Variants in MBNL2 observed in about 807,000 individuals in gnomAD.
MBNL2 encodes muscleblind like splicing regulator 2, also known as muscleblind-like protein 2.
A neutral mutation model predicts 41.9 loss-of-function variants in MBNL2; 17 were observed. The observed-to-expected ratio is 0.41, with a 90% CI of 0.28 to 0.61. MBNL2 has a LOEUF of 0.61. MBNL2 is among the 20% of genes least tolerant of loss of function. The pLI, the probability that MBNL2 is intolerant of heterozygous loss-of-function variation, is 0.35. For missense variants in MBNL2, 336 were observed against 505.6 expected (o/e 0.66, Z 3.22); for synonymous variants, 195 against 182.9 (o/e 1.07, Z -0.53).
the MBNL2 span, among the ~76,000 whole-genome samples, chr13:97,159,340 C>A: frequency 6.6e-6 from 1 of 151,952 alleles, no homozygotes; most frequent in African/African-American, 2.4e-5. Context: ...TGGGTCTTGA[C>A]TCTTTATCCA....
intron 2 of MBNL2, among the ~76,000 whole-genome samples, chr13:97,299,739 ATTAC>A (rs2057431185): frequency 6.6e-6 from 1 of 152,244 alleles, no homozygotes; most frequent in South Asian, 2.1e-4. Context: ...TTCAAAACGT[ATTAC>A]TTAGTAGGAA....
At chr13:97,243,841 A>G (rs546800390) in intron 1 of MBNL2, among the ~76,000 whole-genome samples, 4 of 152,192 alleles carry the variant, frequency 2.6e-5, no homozygotes, top group Non-Finnish European at 4.4e-5. Flanking sequence ...AGGGCTGGGT[A>G]ACTGAGAATT....
At position 97,317,557 on chromosome 13, in the gene MBNL2, T is replaced by A. The variant is rs975759716; in HGVS notation, c.175-16719T>A. 5.9e-5 allele frequency among the ~76,000 whole-genome samples: 9 copies of A among 152,216 alleles called. No homozygotes were observed. In the East Asian group the frequency reaches 1.7e-3, roughly 29 times the overall value. On this transcript the variant is annotated intron_variant, in intron 2 of 8. Coordinates refer to ENST00000679496, the MANE Select transcript of MBNL2 (RefSeq NM_001382683.1). The stretch of plus-strand genomic sequence containing the variant: ...GCATGCAGAACTCTTAAATGATAGT[T>A]TTATGTATGCATAATCCTTTTGGCT...
At chr13:97,203,129 C>A in the MBNL2 span, among the ~76,000 whole-genome samples, 1 of 152,088 alleles carries the variant, frequency 6.6e-6, no homozygotes, top group East Asian at 1.9e-4. Flanking sequence ...GGGAAGTATG[C>A]CTCTTACCAG....
At chr13:97,287,287 C>G (rs1385150331) in intron 2 of MBNL2, among the ~76,000 whole-genome samples, 1 of 152,106 alleles carries the variant, frequency 6.6e-6, no homozygotes, top group Non-Finnish European at 1.5e-5. Context: ...AAAACTTGGC[C>G]CTAGACTGAT....
chr13:97,275,582 T>C (rs1052710857), intron 1 of MBNL2, 50 bp from the exon 2 acceptor site: 11 of 152,264 alleles, frequency 7.2e-5, no homozygotes, highest in African/African-American at 2.7e-4. Context: ...GTTGAAGTGG[T>C]GATTCCATTG....
chr13:97,283,427 A>C (rs1408904318), intron 2 of MBNL2, among the ~76,000 whole-genome samples: 1 of 152,024 alleles, frequency 6.6e-6, no homozygotes, highest in Non-Finnish European at 1.5e-5. Flanking sequence ...TTCCTACTAC[A>C]ATCCACCCCC....
the MBNL2 span, among the ~76,000 whole-genome samples, chr13:97,167,995 G>A: frequency 6.6e-6 from 1 of 151,960 alleles, no homozygotes; most frequent in Non-Finnish European, 1.5e-5. Flanking sequence ...GATGGAGTTT[G>A]GCTCTTATTT....
chr13:97,226,564 T>TGG (rs1228542562), intron 1 of MBNL2, among the ~76,000 whole-genome samples: 169 of 152,326 alleles, frequency 1.1e-3, no homozygotes, highest in African/African-American at 3.9e-3. Context: ...CTAATATTAA[T>TGG]TTAGCATTGT....
chr13:97,237,565 T>C (rs1050474232), intron 1 of MBNL2, among the ~76,000 whole-genome samples: 3 of 152,202 alleles, frequency 2.0e-5, no homozygotes, highest in African/African-American at 7.2e-5. Context: ...GCCATCCAAG[T>C]AAGGCAGTCA....
intron 1 of MBNL2, among the ~76,000 whole-genome samples, chr13:97,229,672 A>G (rs1434235525): frequency 6.6e-6 from 1 of 152,096 alleles, no homozygotes; most frequent in Non-Finnish European, 1.5e-5. Flanking sequence ...TTGACCTTGG[A>G]GATGGAGATG....
intron 8 of MBNL2, among the ~76,000 whole-genome samples, chr13:97,368,818 G>A (rs963327978): frequency 2.6e-5 from 4 of 152,052 alleles, no homozygotes; most frequent in Admixed American, 6.6e-5. Context: ...GGAAGGGTGC[G>A]AGTGGAAAAG....
At chr13:97,337,806 T>C (rs1713073383) in intron 3 of MBNL2, among the ~76,000 whole-genome samples, 1 of 152,146 alleles carries the variant, frequency 6.6e-6, no homozygotes, top group African/African-American at 2.4e-5. Flanking sequence ...AATTATCAAC[T>C]CTAGAAACAA....
chr13:97,173,725 G>T, the MBNL2 span, among the ~76,000 whole-genome samples: 3 of 151,992 alleles, frequency 2.0e-5, no homozygotes. Context: ...TTGCCTCTTT[G>T]TTCCCCCACA....
intron 1 of MBNL2, among the ~76,000 whole-genome samples, chr13:97,237,138 A>G (rs2043424426): frequency 6.6e-6 from 1 of 152,236 alleles, no homozygotes; most frequent in South Asian, 2.1e-4. Context: ...ACAGATTTGA[A>G]TCCCGGGGTC....
intron 1 of MBNL2, among the ~76,000 whole-genome samples, chr13:97,246,875 C>A (rs187489671): frequency 1.1e-3 from 162 of 152,264 alleles, no homozygotes; most frequent in Non-Finnish European, 1.5e-3. Flanking sequence ...TCTTAATATA[C>A]TTATTGCTGT....
In MBNL2 at chr13:97,366,711, CTTAT is replaced by C. The variant is rs1446869381; in HGVS notation, c.1048+1544_1048+1547del. The C allele has an allele frequency of 1.4e-6, 1 of 692,860 alleles. No individual in the cohort carries two copies. Among genetic ancestry groups the C allele is most frequent in the East Asian group, 2.7e-5 (1 of 36,994 alleles). The allele number at this position is 692,860 out of a possible 1,614,324, so 42.9% of individuals were successfully genotyped here. The stretch of plus-strand genomic sequence containing the variant: ...AGCAAGCATTTACAGACAGGTTGCA[CTTAT>C]TTAGAGTTAACATTTACTGCAAATA... On this transcript the variant is annotated intron_variant, in intron 8 of 8. Transcript: ENST00000679496. The surrounding 1 kb of genome is among the most constrained non-coding windows in gnomAD (Gnocchi z 4.7).
At chr13:97,197,518 G>T in the MBNL2 span, among the ~76,000 whole-genome samples, 1 of 152,002 alleles carries the variant, frequency 6.6e-6, no homozygotes, top group African/African-American at 2.4e-5. Flanking sequence ...CTTTTCATTT[G>T]CCTTAGAGAT....
chr13:97,301,209 T>C (rs1322471560), intron 2 of MBNL2, among the ~76,000 whole-genome samples: 2 of 152,206 alleles, frequency 1.3e-5, no homozygotes, highest in African/African-American at 4.8e-5. Flanking sequence ...TGAACACTTA[T>C]TGACTGCCTG....
Sources: gnomAD v4.1 joint callset for allele counts (sites outside exome capture counted in the v4.1 genomes callset) on GRCh38, gnomAD v4.1.1 for gene constraint, Gnocchi (gnomAD v3.1) non-coding constraint, MANE v1.5 for transcripts, NCBI Gene and HGNC (gene_info 2026-07-23, HGNC 2026-07-21) for gene names.